The following LAMA2 variants were observed in gnomAD, a reference collection of about 807,000 sequenced individuals.
LAMA2 encodes the protein laminin subunit alpha 2.
In LAMA2, 269 loss-of-function variants were observed where a neutral mutation model predicts 364.8. That is an observed-to-expected ratio of 0.74 (90% CI 0.67 to 0.82). The LOEUF is 0.82. LAMA2 is among the 40% of genes least tolerant of loss of function. The pLI, the probability that LAMA2 is intolerant of heterozygous loss-of-function variation, is 0.00. For synonymous variants in LAMA2, 1,379 were observed against 1,370.6 expected (o/e 1.01, Z -0.14); for missense variants, 3,807 against 3,873.2 (o/e 0.98, Z 0.45).
At chr6:128,892,489 T>A (rs80217168) in intron 1 of LAMA2, among the ~76,000 whole-genome samples, 11,314 of 152,104 alleles carry the variant, frequency 0.074, 1,260 homozygotes, top group African/African-American at 0.24. Context: ...TCTTTAATAC[T>A]TATAATATGT....
In LAMA2 at chr6:128,883,181, C is replaced by A; in HGVS notation, c.-65C>A. On this transcript the variant is annotated 5_prime_UTR_variant, in exon 1 of 65. Coordinates refer to ENST00000421865, the MANE Select transcript of LAMA2 (RefSeq NM_000426.4). ...TGCTCGCTCAGCTCACAAGCCAAGG[C>A]CAGGGGACAGGGCGGCAGCGACTCC... The A allele has an allele frequency of 6.9e-7, 1 of 1,457,878 alleles. No individual in the cohort carries two copies. The highest frequency in any genetic ancestry group is 9.3e-7 in the Non-Finnish European group (1 of 1,070,666). 90.3% of individuals were successfully genotyped at this position (1,457,878 alleles called of 1,614,324 possible).
chr6:128,951,639 T>A (rs771909197), intron 1 of LAMA2, among the ~76,000 whole-genome samples: 4 of 152,158 alleles, frequency 2.6e-5, no homozygotes, highest in Non-Finnish European at 5.9e-5. Context: ...GACTGTAGAA[T>A]AAATTCTACT....
chr6:129,135,348 T>A (rs1701054812), intron 4 of LAMA2, among the ~76,000 whole-genome samples: 1 of 152,194 alleles, frequency 6.6e-6, no homozygotes, highest in South Asian at 2.1e-4. Context: ...AGATGACCAG[T>A]TCTTTTTCAT....
chr6:129,195,069 G>C lies in LAMA2; in HGVS notation c.1782+2216G>C, dbSNP rs9492269. Among the ~76,000 whole-genome samples, 638 of 152,302 alleles carry C rather than the reference G, an allele frequency of 4.2e-3. 8 individuals are homozygous for C. Among genetic ancestry groups the C allele is most frequent in the African/African-American group, 0.013 (540 of 41,570 alleles). On this transcript the variant is annotated intron_variant, in intron 12 of 64. Transcript: ENST00000421865. ...ATTTTATTTACATCCATGACCAGGA[G>C]TCTATGGTACATAATCCTTCCTCTG...
chr6:129,095,406 T>C (rs745608328), intron 3 of LAMA2, among the ~76,000 whole-genome samples: 10 of 152,194 alleles, frequency 6.6e-5, no homozygotes, highest in Admixed American at 1.3e-4. Context: ...AATTATTAAA[T>C]TCTGATCATC....
chr6:129,208,788 A>G (rs1189750820), intron 12 of LAMA2, among the ~76,000 whole-genome samples: 1 of 152,030 alleles, frequency 6.6e-6, no homozygotes, highest in Non-Finnish European at 1.5e-5. Context: ...AAAGGAAAAC[A>G]ATGGAAAGAA....
chr6:129,386,899 G>T (rs916709495), intron 35 of LAMA2, among the ~76,000 whole-genome samples: 1 of 151,970 alleles, frequency 6.6e-6, no homozygotes, highest in Non-Finnish European at 1.5e-5. Flanking sequence ...CATAACATGG[G>T]TTGCAACAAA....
intron 12 of LAMA2, among the ~76,000 whole-genome samples, chr6:129,239,665 T>C (rs1035617311): frequency 6.6e-6 from 1 of 152,138 alleles, no homozygotes; most frequent in African/African-American, 2.4e-5. Context: ...CATTCCATTT[T>C]CAACAGCTCT....
intron 1 of LAMA2, among the ~76,000 whole-genome samples, chr6:128,966,337 T>A (rs1163991150): frequency 6.6e-6 from 1 of 152,088 alleles, no homozygotes; most frequent in Non-Finnish European, 1.5e-5. Flanking sequence ...TTGTTTAAGA[T>A]CCTTAAAGAT....
At chr6:129,388,502 TGTC>T (rs1779148862) in intron 35 of LAMA2, among the ~76,000 whole-genome samples, 1 of 152,158 alleles carries the variant, frequency 6.6e-6, no homozygotes, top group Non-Finnish European at 1.5e-5. Flanking sequence ...CTCTATCTGT[TGTC>T]ATTCTTTTTC....
chr6:129,392,975 T>C lies in LAMA2; in HGVS notation c.5235-70T>C, dbSNP rs58220551. 7.1e-3 allele frequency: 8,587 copies of C among 1,212,434 alleles called. 377 individuals are homozygous for C. In the African/African-American group the frequency reaches 0.11, roughly 15 times the overall value. 75.1% of individuals were successfully genotyped at this position (1,212,434 alleles called of 1,614,324 possible). On this transcript the variant is annotated intron_variant, in intron 36 of 64. Transcript: ENST00000421865. Reference sequence around the variant, plus strand: ...ATGTTAGCATCTCTTTGTAACATGGTTTAATACCAATAAACCCTAAGGCAG... The same window carrying C: ...ATGTTAGCATCTCTTTGTAACATGGCTTAATACCAATAAACCCTAAGGCAG...
At chr6:129,498,480 G>A (rs1297116178) in intron 58 of LAMA2, among the ~76,000 whole-genome samples, 1 of 152,150 alleles carries the variant, frequency 6.6e-6, no homozygotes, top group East Asian at 1.9e-4. Flanking sequence ...AAATGCCCAA[G>A]ACCCACCAAA....
At chr6:129,238,588 A>G (rs1785173713) in intron 12 of LAMA2, among the ~76,000 whole-genome samples, 1 of 151,954 alleles carries the variant, frequency 6.6e-6, no homozygotes, top group Non-Finnish European at 1.5e-5. Flanking sequence ...AGAGAGAGAG[A>G]GAGAGAGAGA....
intron 30 of LAMA2, among the ~76,000 whole-genome samples, chr6:129,347,762 T>G (rs574428841): frequency 1.3e-5 from 2 of 152,274 alleles, no homozygotes; most frequent in East Asian, 3.9e-4. Flanking sequence ...AACTCAAGCT[T>G]CAAGTGAGAT....
chr6:129,017,465 T>C (rs1582878631), intron 1 of LAMA2, among the ~76,000 whole-genome samples: 1 of 134,602 alleles, frequency 7.4e-6, no homozygotes, highest in Non-Finnish European at 1.6e-5. Context: ...AAGTGTATTA[T>C]GGAAGATAAA....
At chr6:129,505,542 T>A (rs933261818) in intron 61 of LAMA2, among the ~76,000 whole-genome samples, 187 bp downstream of exon 61, 2 of 152,180 alleles carry the variant, frequency 1.3e-5, no homozygotes, top group Non-Finnish European at 2.9e-5. Flanking sequence ...AGAGTCTCGC[T>A]CTGTCGCCCA....
chr6:129,035,446 A>AT (rs1249446150), intron 1 of LAMA2, among the ~76,000 whole-genome samples: 5 of 147,120 alleles, frequency 3.4e-5, no homozygotes, highest in Middle Eastern at 3.3e-3. Context: ...ATTTTCTGTC[A>AT]TTCTGCAGTT....
chr6:129,307,017 C>A (rs1033873953), intron 22 of LAMA2, among the ~76,000 whole-genome samples: 2 of 152,040 alleles, frequency 1.3e-5, no homozygotes, highest in African/African-American at 4.8e-5. Flanking sequence ...TATTTGGATG[C>A]CAGACATTAT....
chr6:129,076,084 TCAAAA>T (rs1292439283), intron 3 of LAMA2, among the ~76,000 whole-genome samples: 1 of 151,934 alleles, frequency 6.6e-6, no homozygotes, highest in Non-Finnish European at 1.5e-5. Flanking sequence ...AGACGCTGTC[TCAAAA>T]CAAAACAAAA....
Sources: allele counts gnomAD v4.1 joint callset (sites outside exome capture counted in the v4.1 genomes callset), GRCh38; gene constraint gnomAD v4.1.1; transcripts MANE v1.5; gene names NCBI Gene and HGNC (gene_info 2026-07-23, HGNC 2026-07-21).